The following IQSEC3 variants were observed in gnomAD, a reference collection of about 807,000 sequenced individuals.
IQSEC3 encodes the protein IQ motif and Sec7 domain ArfGEF 3.
A neutral mutation model predicts 105.4 loss-of-function variants in IQSEC3; 50 were observed. The ratio of observed to expected loss-of-function variants is 0.47; its 90% confidence interval spans 0.38 to 0.60. The LOEUF is 0.60. Ranked by LOEUF, IQSEC3 falls within the 20% of genes least tolerant of loss-of-function variation. The probability of loss-of-function intolerance (pLI) is 0.00; values close to 1 mark genes in which losing one functional copy is unlikely to be tolerated. For missense variants in IQSEC3, 1,415 were observed against 1,630.0 expected, an observed-to-expected ratio of 0.87 and a Z score of 2.27; for synonymous variants, 708 against 746.0, an observed-to-expected ratio of 0.95 and a Z score of 0.83.
rs1555087827 is a variant in IQSEC3, at chr12:138,916, C to G, written c.1553C>G (p.Ala518Gly). The G allele has an allele frequency of 6.2e-7, 1 of 1,603,726 alleles. No individual in the cohort carries two copies. The highest frequency in any genetic ancestry group is 8.5e-7 in the Non-Finnish European group (1 of 1,175,938). Residue 518 changes from alanine (A) to glycine (G), a missense_variant, in exon 4 of 14, where the codon GCC becomes GGC. Coordinates refer to ENST00000538872, the MANE Select transcript of IQSEC3 (RefSeq NM_001170738.2). This position sits in a 1 kb window ranked among gnomAD's most constrained non-coding sequence, Gnocchi z 7.1. ...ANCLGAQTVQ[A>G]PAEPAAGKAE... ...TGCCTGGGCGCTCAGACGGTCCAGG[C>G]CCCCGCAGAGCCCGCGGCGGGCAAG... is the stretch of plus-strand genomic sequence containing the variant.
intron 3 of IQSEC3, among the ~76,000 whole-genome samples, chr12:129,230 G>C (rs1865512172): frequency 6.6e-6 from 1 of 152,232 alleles, no homozygotes; most frequent in Admixed American, 6.5e-5. Flanking sequence ...GACACCTCCA[G>C]GGTGCTGCAT....
intron 1 of IQSEC3, among the ~76,000 whole-genome samples, chr12:94,681 G>A (rs1177937294): frequency 6.6e-6 from 1 of 152,232 alleles, no homozygotes; most frequent in Non-Finnish European, 1.5e-5. Context: ...CTGAGTCTGG[G>A]GACCTGGGAG....
At chr12:112,251 C>T (rs1290021557) in intron 2 of IQSEC3, among the ~76,000 whole-genome samples, 1 of 127,560 alleles carries the variant, frequency 7.8e-6, no homozygotes, top group Non-Finnish European at 1.6e-5. Context: ...TCATCTTAGA[C>T]TAAACTTCTT....
intron 1 of IQSEC3, among the ~76,000 whole-genome samples, chr12:97,546 G>T (rs1864276844): frequency 6.6e-6 from 1 of 152,158 alleles, no homozygotes; most frequent in Non-Finnish European, 1.5e-5. Flanking sequence ...CAGGTGTGAT[G>T]GCTCATGCCT....
intron 12 of IQSEC3, among the ~76,000 whole-genome samples, chr12:170,821 C>G (rs1381561990): frequency 2.6e-5 from 4 of 152,220 alleles, no homozygotes; most frequent in Admixed American, 2.6e-4. Flanking sequence ...CCCCTCCAAG[C>G]CTTTTACAGT....
rs1555065367 is a variant in IQSEC3 at position 66,878 on chromosome 12, G to A, written c.-5G>A. 31 of 1,420,130 alleles carry A rather than the reference G, an allele frequency of 2.2e-5. No homozygotes were observed. Among genetic ancestry groups the A allele is most frequent in the Non-Finnish European group, 2.8e-5 (30 of 1,085,974 alleles). 88.0% of individuals were successfully genotyped at this position (1,420,130 alleles called of 1,614,324 possible). ...GCAGGCAGGGCGCAGGCGGCGGCGGGCGGCATGGAGAGCCTGCTGGAGAAT... is the reference window on the plus strand; with the variant it reads ...GCAGGCAGGGCGCAGGCGGCGGCGGACGGCATGGAGAGCCTGCTGGAGAAT... On this transcript the variant is annotated 5_prime_UTR_variant, in exon 1 of 14. Coordinates refer to ENST00000538872, the MANE Select transcript of IQSEC3 (RefSeq NM_001170738.2).
At position 66,927 on chromosome 12, in the gene IQSEC3, C is replaced by G. The variant is rs1555065423; in HGVS notation, c.45C>G (p.Leu15=). 1 of 1,519,116 alleles carries G rather than the reference C, an allele frequency of 6.6e-7. No individual in the cohort carries two copies. Among genetic ancestry groups the G allele is most frequent in the South Asian group, 1.2e-5 (1 of 82,424 alleles). 94.1% of individuals were successfully genotyped at this position (1,519,116 alleles called of 1,614,324 possible). A position where few individuals can be genotyped will look rare whatever the true frequency, so the allele number is the denominator to read the frequency against. Residue 15 remains leucine (L), a synonymous_variant, in exon 1 of 14, where the codon CTC becomes CTG. Coordinates refer to ENST00000538872, the MANE Select transcript of IQSEC3 (RefSeq NM_001170738.2). ...ATCCGGTGCGCGCCGTGCTCTACCT[C>G]AAGGAGCTCACGGCCATCGTGCAGA... ...LENPVRAVLY[L]KELTAIVQNQ...
chr12:91,235 T>G (rs782710686), intron 1 of IQSEC3, among the ~76,000 whole-genome samples: 1 of 152,224 alleles, frequency 6.6e-6, no homozygotes, highest in Non-Finnish European at 1.5e-5. Context: ...ACTGTGGTAC[T>G]GCACTCTTCA....
At chr12:140,213 G>A (rs1865961306) in intron 4 of IQSEC3, 1 of 152,198 alleles carries the variant, frequency 6.6e-6, no homozygotes, top group Non-Finnish European at 1.5e-5. Flanking sequence ...CCTATTCTAG[G>A]GGAAGTAGCT....
chr12:128,475 T>C (rs1555084096), intron 3 of IQSEC3, among the ~76,000 whole-genome samples: 1 of 152,134 alleles, frequency 6.6e-6, no homozygotes, highest in Non-Finnish European at 1.5e-5. Context: ...AACCCAGTGA[T>C]TCCGCCAGCC....
intron 1 of IQSEC3, among the ~76,000 whole-genome samples, chr12:82,718 C>T (rs1317476158): frequency 2.6e-5 from 4 of 152,206 alleles, no homozygotes; most frequent in Non-Finnish European, 4.4e-5. Context: ...GTCCTAATAA[C>T]ACCTTCCCGA....
intron 1 of IQSEC3, among the ~76,000 whole-genome samples, chr12:85,720 C>T (rs1863896479): frequency 6.6e-6 from 1 of 152,148 alleles, no homozygotes; most frequent in African/African-American, 2.4e-5. Flanking sequence ...CCAAGACTGC[C>T]AGGTAGATGC....
In IQSEC3 at chr12:165,704, TG is replaced by T. The variant is rs782405248; in HGVS notation, c.2810-20del. The T allele has an allele frequency of 1.5e-5, 24 of 1,611,320 alleles. No homozygotes were observed. The African/African-American group carries it at 2.8e-4, about 19-fold the overall frequency. ...TCGGCTGCTGCTGCTCACAGCCCAC[TG>T]GGGGCCTGGGGTCTGCTTTCCAGAT... On this transcript the variant is annotated intron_variant, in intron 10 of 13. Coordinates refer to ENST00000538872, the MANE Select transcript of IQSEC3 (RefSeq NM_001170738.2).
rs1433749686 is a variant in IQSEC3, at chr12:97,040, G to T, written c.555-2106G>T. ...TGGCATCTCAGCGTGACTTTAATTGGCATTTTCCTATTTACTAGTAAGCAT... is the reference window on the plus strand; with the variant it reads ...TGGCATCTCAGCGTGACTTTAATTGTCATTTTCCTATTTACTAGTAAGCAT... On this transcript the variant is annotated intron_variant, in intron 1 of 13. Transcript: ENST00000538872. Among the ~76,000 whole-genome samples, 3 of 152,170 alleles carry T rather than the reference G, an allele frequency of 2.0e-5. No homozygotes were observed. In the South Asian group the frequency reaches 6.2e-4, roughly 31 times the overall value.
intron 7 of IQSEC3, among the ~76,000 whole-genome samples, chr12:158,324 T>A (rs1866768294): frequency 6.6e-6 from 1 of 152,232 alleles, no homozygotes; most frequent in Admixed American, 6.5e-5. Context: ...CTTTTGACTT[T>A]TTTAGCTATT....
intron 12 of IQSEC3, among the ~76,000 whole-genome samples, chr12:170,600 G>A (rs1938933656): frequency 6.6e-6 from 1 of 152,240 alleles, no homozygotes. Flanking sequence ...CCCTGCTGCT[G>A]TGCCAGGCCG....
chr12:175,219 G>GCAC lies in IQSEC3; in HGVS notation c.*188_*190dup, dbSNP rs2137078099. The GCAC allele has an allele frequency of 1.7e-6, 1 of 572,848 alleles. No individual in the cohort carries two copies. The highest frequency in any genetic ancestry group is 3.2e-5 in the Admixed American group (1 of 31,720). The allele number at this position is 572,848 out of a possible 1,614,324, so 35.5% of individuals were successfully genotyped here. A position where few individuals can be genotyped will look rare whatever the true frequency, so the allele number is the denominator to read the frequency against. ...CCAACCATCCTTCCCTTTCTCAGCT[G>GCAC]CACCCCCTCTGCAGATCTGAAGACA... is the stretch of plus-strand genomic sequence containing the variant. On this transcript the variant is annotated 3_prime_UTR_variant, in exon 14 of 14. Transcript: ENST00000538872.
chr12:92,796 GC>G (rs1169310641), intron 1 of IQSEC3, among the ~76,000 whole-genome samples: 5 of 152,354 alleles, frequency 3.3e-5, no homozygotes, highest in African/African-American at 1.2e-4. Context: ...AGAGAGCTGA[GC>G]GTGTTGAGTG....
At chr12:162,274 G>A (rs1009942746) in intron 8 of IQSEC3, among the ~76,000 whole-genome samples, 1 of 151,846 alleles carries the variant, frequency 6.6e-6, no homozygotes, top group Non-Finnish European at 1.5e-5. Flanking sequence ...CGATACTGCA[G>A]CAGGAGAGAC....
Sources: gnomAD v4.1 joint callset for allele counts (sites outside exome capture counted in the v4.1 genomes callset) on GRCh38, gnomAD v4.1.1 for gene constraint, Gnocchi (gnomAD v3.1) non-coding constraint, MANE v1.5 for transcripts, NCBI Gene and HGNC (gene_info 2026-07-23, HGNC 2026-07-21) for gene names.